ARHGAP15: variants seen among roughly 807,000 people sequenced by gnomAD.
The protein encoded by ARHGAP15 is rho GTPase-activating protein 15.
In ARHGAP15, 51 loss-of-function variants were observed where a neutral mutation model predicts 63.7. The ratio of observed to expected loss-of-function variants is 0.80; its 90% CI spans 0.64 to 1.01. The LOEUF (loss-of-function observed/expected upper bound fraction) is 1.01, where lower values mean the gene tolerates loss of function less well. Among genes scored for constraint, ARHGAP15 ranks in the 50% least tolerant of loss-of-function variants. The pLI, the probability that ARHGAP15 is intolerant of heterozygous loss-of-function variation, is 0.00. For missense variants in ARHGAP15, 560 were observed against 564.6 expected (o/e 0.99, Z 0.08); for synonymous variants, 191 against 193.8 (o/e 0.99, Z 0.12).
intron 3 of ARHGAP15, among the ~76,000 whole-genome samples, chr2:143,203,685 T>C (rs1284422063): frequency 6.6e-6 from 1 of 152,062 alleles, no homozygotes; most frequent in Non-Finnish European, 1.5e-5. Context: ...TTCTCATGGC[T>C]CTCCAATTAG....
chr2:143,481,382 G>A (rs1045175507), intron 8 of ARHGAP15, among the ~76,000 whole-genome samples: 27 of 151,824 alleles, frequency 1.8e-4, no homozygotes, highest in African/African-American at 6.5e-4. Flanking sequence ...CTGAAATGTT[G>A]GCTGTCCCAG....
At chr2:143,313,503 A>G (rs1683541782) in intron 6 of ARHGAP15, among the ~76,000 whole-genome samples, 2 of 152,076 alleles carry the variant, frequency 1.3e-5, no homozygotes, top group Non-Finnish European at 2.9e-5. Context: ...CTTTAACACT[A>G]ACTCCTTTCC....
intron 3 of ARHGAP15, among the ~76,000 whole-genome samples, chr2:143,204,387 C>A (rs72994561): frequency 6.6e-6 from 1 of 152,168 alleles, no homozygotes; most frequent in African/African-American, 2.4e-5. Flanking sequence ...GATCAGCATT[C>A]CATTCTGGTC....
chr2:143,629,347 A>G (rs1261464676), intron 12 of ARHGAP15, among the ~76,000 whole-genome samples: 1 of 152,136 alleles, frequency 6.6e-6, no homozygotes, highest in Non-Finnish European at 1.5e-5. Flanking sequence ...CTTGAGATCA[A>G]TCCAACTGGG....
chr2:143,643,499 A>G (rs1484314796), intron 12 of ARHGAP15, among the ~76,000 whole-genome samples: 2 of 148,474 alleles, frequency 1.3e-5, no homozygotes, highest in African/African-American at 5.0e-5. Flanking sequence ...CATCAGAATC[A>G]CCTCGGATCA....
At chr2:143,696,666 A>C (rs1003582524) in intron 12 of ARHGAP15, among the ~76,000 whole-genome samples, 1 of 152,112 alleles carries the variant, frequency 6.6e-6, no homozygotes, top group Non-Finnish European at 1.5e-5. Flanking sequence ...ATTATTGACT[A>C]TAAAGAGTTG....
chr2:143,634,554 AAC>A lies in ARHGAP15; in HGVS notation c.1138+10289_1138+10290del, dbSNP rs151234337. 4.2e-3 allele frequency among the ~76,000 whole-genome samples: 631 copies of A among 151,506 alleles called. 2 individuals are homozygous for A. The highest frequency in any genetic ancestry group is 0.015 in the African/African-American group (616 of 41,508). ...AATATAATCAGAGTGTCCTTTAGTT[AAC>A]AGTCTCAGAGCTTTAGTTAACAGTC... On this transcript the variant is annotated intron_variant, in intron 12 of 13. Coordinates refer to ENST00000295095, the MANE Select transcript of ARHGAP15 (RefSeq NM_018460.4).
At position 143,417,008 on chromosome 2, in the gene ARHGAP15, G is replaced by A. The variant is rs932920577; in HGVS notation, c.475-18593G>A. ...GTTTTCACTCTAATAGGGATTCTGC[G>A]AAGTCTCTGTGGTTGAGGTGCTCCT... On this transcript the variant is annotated intron_variant, in intron 6 of 13. Transcript: ENST00000295095. Among the ~76,000 whole-genome samples, 5 of 152,110 alleles carry A rather than the reference G, an allele frequency of 3.3e-5. No homozygotes were observed. The South Asian group carries it at 8.3e-4, about 25-fold the overall frequency.
intron 9 of ARHGAP15, among the ~76,000 whole-genome samples, chr2:143,505,653 C>A (rs1430388037): frequency 2.0e-5 from 3 of 152,148 alleles, no homozygotes; most frequent in South Asian, 2.1e-4. Flanking sequence ...GAATGGCATT[C>A]CTGAGTAGAG....
At chr2:143,387,783 C>T (rs576417048) in intron 6 of ARHGAP15, among the ~76,000 whole-genome samples, 40 of 152,064 alleles carry the variant, frequency 2.6e-4, no homozygotes, top group African/African-American at 9.4e-4. Context: ...ACTCCAGAAC[C>T]CTTGTCAGTA....
chr2:143,697,060 G>C (rs1683880438), intron 12 of ARHGAP15, among the ~76,000 whole-genome samples: 5 of 152,064 alleles, frequency 3.3e-5, no homozygotes. Context: ...GCCAACTACG[G>C]GCTACGCTCA....
At position 143,497,013 on chromosome 2, in the gene ARHGAP15, C is replaced by A. The variant is rs542229646; in HGVS notation, c.826+9518C>A. On this transcript the variant is annotated intron_variant, in intron 9 of 13. Transcript: ENST00000295095. ...GCCAGTTTGAAATATTGTATTTGAGCCTTCCAGTTTGAGGACTGACAAGCT... is the reference window on the plus strand; with the variant it reads ...GCCAGTTTGAAATATTGTATTTGAGACTTCCAGTTTGAGGACTGACAAGCT... Among the ~76,000 whole-genome samples the A allele has an allele frequency of 2.6e-5, 4 of 152,216 alleles. No individual in the cohort carries two copies. The East Asian group carries it at 5.8e-4, about 22-fold the overall frequency.
intron 8 of ARHGAP15, among the ~76,000 whole-genome samples, chr2:143,458,514 C>T: frequency 6.6e-6 from 1 of 152,152 alleles, no homozygotes; most frequent in South Asian, 2.1e-4. Context: ...AAGGAGATTC[C>T]TGCTGAAGGG....
intron 6 of ARHGAP15, among the ~76,000 whole-genome samples, chr2:143,387,482 C>T (rs1029038897): frequency 6.6e-6 from 1 of 152,082 alleles, no homozygotes; most frequent in Non-Finnish European, 1.5e-5. Context: ...ATTGAGCACC[C>T]ATTGTGAGCC....
At chr2:143,189,224 C>G (rs576035304) in intron 2 of ARHGAP15, among the ~76,000 whole-genome samples, 21 of 152,164 alleles carry the variant, frequency 1.4e-4, no homozygotes, top group Admixed American at 1.2e-3. Flanking sequence ...TGATTGTTCC[C>G]CCTTCCTCTC....
At chr2:143,522,050 G>A (rs1016951931) in intron 10 of ARHGAP15, 1 of 152,092 alleles carries the variant, frequency 6.6e-6, no homozygotes, top group African/African-American at 2.4e-5. Flanking sequence ...GGCAAAAGAT[G>A]CATTCTTTAT....
Position 143,134,831 on chromosome 2 carries a change from G to T in ARHGAP15, c.-15+5365G>T, listed in dbSNP as rs1447712624. ...TTTTTGTATTTTTAGTAGAGTCGGG[G>T]TTTCACGGTGTTAGCCAGGATGGTG... On this transcript the variant is annotated intron_variant, in intron 1 of 13. Coordinates refer to ENST00000295095, the MANE Select transcript of ARHGAP15 (RefSeq NM_018460.4). Among the ~76,000 whole-genome samples, 3 of 152,096 alleles carry T rather than the reference G, an allele frequency of 2.0e-5. No individual in the cohort carries two copies. The East Asian group carries it at 5.8e-4, about 29-fold the overall frequency.
chr2:143,407,762 T>A (rs1209097137), intron 6 of ARHGAP15, among the ~76,000 whole-genome samples: 1 of 151,524 alleles, frequency 6.6e-6, no homozygotes. Context: ...TGTATTTTAA[T>A]TTTTGGTATA....
intron 12 of ARHGAP15, chr2:143,648,753 T>C (rs958179547): frequency 1.3e-5 from 2 of 152,028 alleles, no homozygotes; most frequent in African/African-American, 4.8e-5. Context: ...CCACGCCCTG[T>C]AGTCACAAAT....
Sources: allele counts gnomAD v4.1 joint callset (sites outside exome capture counted in the v4.1 genomes callset), GRCh38; gene constraint gnomAD v4.1.1; transcripts MANE v1.5; gene names NCBI Gene and HGNC (gene_info 2026-07-23, HGNC 2026-07-21).